SIPA1L3: variants seen among roughly 807,000 people sequenced by gnomAD.
The protein encoded by SIPA1L3 is signal induced proliferation associated 1 like 3.
In SIPA1L3, 59 loss-of-function variants were observed where a neutral mutation model predicts 150.1. The observed-to-expected ratio is 0.39, with a 90% CI of 0.32 to 0.49. The LOEUF is 0.49. SIPA1L3 is among the 20% of genes least tolerant of loss of function. The probability of loss-of-function intolerance (pLI) is 0.86; values close to 1 mark genes in which losing one functional copy is unlikely to be tolerated. For missense variants in SIPA1L3, 2,211 were observed against 2,489.5 expected, an observed-to-expected ratio of 0.89 and a Z score of 2.38; for synonymous variants, 1,070 against 1,077.6, an observed-to-expected ratio of 0.99 and a Z score of 0.14.
intron 8 of SIPA1L3, among the ~76,000 whole-genome samples, chr19:38,114,139 G>A (rs528393399): frequency 2.0e-5 from 3 of 152,228 alleles, no homozygotes; most frequent in Non-Finnish European, 2.9e-5. Context: ...TACAAAGCTC[G>A]GCTGGGTGCT....
chr19:38,068,566 AAGT>A (rs1310268794), intron 2 of SIPA1L3, among the ~76,000 whole-genome samples: 1 of 152,140 alleles, frequency 6.6e-6, no homozygotes. Context: ...GTCATGATGG[AAGT>A]CCCTACTTGG....
intron 1 of SIPA1L3, among the ~76,000 whole-genome samples, chr19:38,025,874 C>T (rs995865769): frequency 6.6e-6 from 1 of 152,124 alleles, no homozygotes; most frequent in African/African-American, 2.4e-5. Flanking sequence ...GCCCAAGAGG[C>T]CATTTCTGAG....
intron 2 of SIPA1L3, among the ~76,000 whole-genome samples, chr19:38,078,220 C>G (rs1390421256): frequency 6.6e-6 from 1 of 152,126 alleles, no homozygotes; most frequent in African/African-American, 2.4e-5. Flanking sequence ...GCAACATCTT[C>G]AGGATCGTTT....
chr19:38,036,921 C>T (rs775473650), intron 2 of SIPA1L3, among the ~76,000 whole-genome samples: 3 of 152,112 alleles, frequency 2.0e-5, no homozygotes, highest in African/African-American at 7.2e-5. Flanking sequence ...ACTTAGATGC[C>T]GAGGCCCAGA....
chr19:37,924,254 A>C (rs991943715), intron 1 of SIPA1L3, among the ~76,000 whole-genome samples: 2 of 152,062 alleles, frequency 1.3e-5, no homozygotes, highest in African/African-American at 4.8e-5. Context: ...ACATGAGCCT[A>C]GGCCTCCACA....
At chr19:38,185,601 C>G (rs1039042175) in intron 16 of SIPA1L3, 2 of 152,198 alleles carry the variant, frequency 1.3e-5, no homozygotes, top group African/African-American at 4.8e-5. Flanking sequence ...CAGGCGTCAA[C>G]AGGGTGGTTC....
intron 2 of SIPA1L3, among the ~76,000 whole-genome samples, chr19:38,060,414 A>C (rs186034420): frequency 1.3e-5 from 2 of 152,338 alleles, no homozygotes; most frequent in Non-Finnish European, 2.9e-5. Flanking sequence ...CAACATGGAT[A>C]TTCTTAAGGG....
intron 1 of SIPA1L3, among the ~76,000 whole-genome samples, chr19:37,940,788 G>C (rs991389863): frequency 1.5e-5 from 2 of 134,158 alleles, no homozygotes; most frequent in East Asian, 6.3e-4. Flanking sequence ...CACCATGTTG[G>C]CCAGGCTGGT....
chr19:38,064,505 T>C lies in SIPA1L3; in HGVS notation c.-310-16751T>C, dbSNP rs556446666. 2.0e-5 allele frequency among the ~76,000 whole-genome samples: 3 copies of C among 152,364 alleles called. No individual in the cohort carries two copies. The South Asian group carries it at 6.2e-4, about 32-fold the overall frequency. On this transcript the variant is annotated intron_variant, in intron 2 of 21. Coordinates refer to ENST00000222345, the MANE Select transcript of SIPA1L3 (RefSeq NM_015073.3). ...TGAGGTCAGGAGTTTGAGACCAGCC[T>C]GGCCAACATGGCAAAACCCCATATC...
chr19:38,103,097 T>A (rs1247264489), intron 6 of SIPA1L3, among the ~76,000 whole-genome samples: 1 of 148,972 alleles, frequency 6.7e-6, no homozygotes, highest in African/African-American at 2.5e-5. Context: ...CACTCCAGCC[T>A]GGGCAACAGA....
At chr19:37,909,563 A>G (rs1054995002) in intron 1 of SIPA1L3, among the ~76,000 whole-genome samples, 6 of 152,144 alleles carry the variant, frequency 3.9e-5, no homozygotes, top group Admixed American at 1.3e-4. Context: ...CCTATGTAAC[A>G]TATGTATTAA....
chr19:37,911,193 ACAGATGCT>A, intron 1 of SIPA1L3, among the ~76,000 whole-genome samples: 1 of 151,998 alleles, frequency 6.6e-6, no homozygotes. Flanking sequence ...TGTGATTTGG[ACAGATGCT>A]TCAGTTATCT....
chr19:37,909,670 G>A (rs1210028398), intron 1 of SIPA1L3, among the ~76,000 whole-genome samples: 2 of 152,160 alleles, frequency 1.3e-5, no homozygotes, highest in East Asian at 3.8e-4. Flanking sequence ...TGTGATTTTA[G>A]CCTGGTAAAG....
At chr19:37,987,533 T>G (rs533326872) in intron 1 of SIPA1L3, among the ~76,000 whole-genome samples, 134 of 152,308 alleles carry the variant, frequency 8.8e-4, no homozygotes, top group Admixed American at 3.6e-3. Flanking sequence ...CTCTACCCAC[T>G]AGATGCCAGT....
At chr19:38,029,460 C>A (rs1968595160) in intron 2 of SIPA1L3, among the ~76,000 whole-genome samples, 1 of 152,158 alleles carries the variant, frequency 6.6e-6, no homozygotes, top group Admixed American at 6.6e-5. Flanking sequence ...TCCACCATCC[C>A]CAATAATAGT....
intron 4 of SIPA1L3, among the ~76,000 whole-genome samples, chr19:38,093,107 C>A (rs112862713): frequency 0.018 from 2,740 of 152,176 alleles, 90 homozygotes; most frequent in African/African-American, 0.062. Context: ...GATCTACCCG[C>A]CTCAGCCTCC....
intron 15 of SIPA1L3, among the ~76,000 whole-genome samples, chr19:38,172,853 T>TAA (rs1296177769): frequency 6.6e-6 from 1 of 152,126 alleles, no homozygotes; most frequent in African/African-American, 2.4e-5. Context: ...CTCACACCTG[T>TAA]AATCCCAGCA....
At chr19:37,927,447 T>C (rs113851824) in intron 1 of SIPA1L3, among the ~76,000 whole-genome samples, 2,080 of 152,168 alleles carry the variant, frequency 0.014, 39 homozygotes, top group African/African-American at 0.046. Context: ...CCACTGCGCC[T>C]AGCCCCCAGT....
chr19:38,017,078 A>T (rs1202586963), intron 1 of SIPA1L3, among the ~76,000 whole-genome samples: 2 of 138,010 alleles, frequency 1.4e-5, no homozygotes, highest in African/African-American at 5.4e-5. Context: ...TCCATTTTTG[A>T]TAGAGACGGG....
Sources: gnomAD v4.1 joint callset for allele counts (sites outside exome capture counted in the v4.1 genomes callset) on GRCh38, gnomAD v4.1.1 for gene constraint, MANE v1.5 for transcripts, NCBI Gene and HGNC (gene_info 2026-07-23, HGNC 2026-07-21) for gene names.